PRR5L: variants seen among roughly 807,000 people sequenced by gnomAD.
PRR5L encodes the protein proline-rich protein 5-like.
PRR5L carries 21 observed loss-of-function variants against 36.4 expected under a neutral mutation model. That is an observed-to-expected ratio of 0.58 (90% CI 0.41 to 0.83). The LOEUF (loss-of-function observed/expected upper bound fraction) is 0.83. Ranked by LOEUF, PRR5L falls within the 40% of genes least tolerant of loss-of-function variation. The pLI is 0.00. For synonymous variants in PRR5L, 188 were observed against 197.0 expected (o/e 0.95, Z 0.38); for missense variants, 381 against 473.3 (o/e 0.80, Z 1.81).
chr11:36,320,006 G>C (rs977623034), intron 1 of PRR5L, among the ~76,000 whole-genome samples: 2 of 152,122 alleles, frequency 1.3e-5, no homozygotes, highest in Non-Finnish European at 2.9e-5. Flanking sequence ...GGTACTGGAG[G>C]CTGGATCTAC....
In PRR5L at chr11:36,351,545, T is replaced by A. The variant is rs1334949976; in HGVS notation, c.-125-49452T>A. On this transcript the variant is annotated intron_variant, in intron 1 of 8. Transcript: ENST00000530639. ...TTTATATATTTATATAAATATATAT[T>A]TATATATATTTATATATTTATATAT... Among the ~76,000 whole-genome samples, 31 of 6,520 alleles carry A rather than the reference T, an allele frequency of 4.8e-3. 2 individuals carry two copies. The highest frequency in any genetic ancestry group is 0.012 in the South Asian group (2 of 166). The allele number at this position is 6,520 out of a possible 152,430, so 4.3% of individuals were successfully genotyped here.
At chr11:36,432,783 T>C (rs766096766) in intron 5 of PRR5L, among the ~76,000 whole-genome samples, 10 of 152,082 alleles carry the variant, frequency 6.6e-5, no homozygotes, top group Non-Finnish European at 1.0e-4. Flanking sequence ...GATCCAGACT[T>C]ATTAGGTGTC....
intron 1 of PRR5L, among the ~76,000 whole-genome samples, chr11:36,350,456 A>C (rs750388735): frequency 1.3e-5 from 2 of 151,968 alleles, no homozygotes; most frequent in Non-Finnish European, 2.9e-5. Context: ...TTGACTTGGG[A>C]TTGGTTATGA....
In PRR5L at chr11:36,417,678, A is replaced by G. The variant is rs574579498; in HGVS notation, c.246-1577A>G. On this transcript the variant is annotated intron_variant, in intron 3 of 8. Transcript: ENST00000530639. ...TTCCAGGGCTTTTTCTGCTACAGTA[A>G]TTCAAATCATGGGTGGTTCTCTATT... Among the ~76,000 whole-genome samples, 10 of 152,350 alleles carry G rather than the reference A, an allele frequency of 6.6e-5. No homozygotes were observed. The South Asian group carries it at 1.7e-3, about 25-fold the overall frequency.
chr11:36,338,788 G>A (rs1014566565), intron 1 of PRR5L, among the ~76,000 whole-genome samples: 9 of 152,044 alleles, frequency 5.9e-5, no homozygotes, highest in African/African-American at 1.7e-4. Flanking sequence ...GTGCAGTGGC[G>A]TGATCTTGGC....
At chr11:36,301,222 G>A (rs1020862073) in intron 1 of PRR5L, among the ~76,000 whole-genome samples, 1 of 152,144 alleles carries the variant, frequency 6.6e-6, no homozygotes, top group African/African-American at 2.4e-5. Flanking sequence ...GGAAGAAGGT[G>A]GAGGAGCTTC....
chr11:36,301,807 C>A (rs1467664074), intron 1 of PRR5L, among the ~76,000 whole-genome samples: 9 of 152,164 alleles, frequency 5.9e-5, no homozygotes, highest in Non-Finnish European at 1.3e-4. Context: ...GTAGACCAAG[C>A]ATTCAGTGAT....
intron 1 of PRR5L, chr11:36,376,494 G>A: frequency 9.3e-7 from 1 of 1,072,560 alleles, no homozygotes; most frequent in Non-Finnish European, 1.1e-6. Flanking sequence ...GACCCCATCT[G>A]AGGGCAGAGC....
At chr11:36,378,119 T>C (rs1421372973) in intron 1 of PRR5L, among the ~76,000 whole-genome samples, 1 of 152,028 alleles carries the variant, frequency 6.6e-6, no homozygotes, top group Admixed American at 6.5e-5. Context: ...TACTGCAAAA[T>C]GTCAAAGTGC....
At chr11:36,376,356 AGG>A (rs1857260439) in intron 1 of PRR5L, 1 of 1,115,706 alleles carries the variant, frequency 9.0e-7, no homozygotes, top group African/African-American at 1.7e-5. Flanking sequence ...GAGGAGGAGG[AGG>A]AGGAGGAGGA....
chr11:36,330,024 C>T (rs1268064624), intron 1 of PRR5L, among the ~76,000 whole-genome samples: 1 of 152,134 alleles, frequency 6.6e-6, no homozygotes, highest in African/African-American at 2.4e-5. Context: ...TTAGTCAAAG[C>T]CTTCATAATA....
At chr11:36,351,128 T>G (rs1337003092) in intron 1 of PRR5L, among the ~76,000 whole-genome samples, 1 of 110,572 alleles carries the variant, frequency 9.0e-6, no homozygotes, top group South Asian at 2.5e-4. Context: ...TATATGTATT[T>G]TATATATAAA....
intron 1 of PRR5L, among the ~76,000 whole-genome samples, chr11:36,311,647 A>T (rs1444593684): frequency 6.6e-6 from 1 of 152,196 alleles, no homozygotes; most frequent in Non-Finnish European, 1.5e-5. Context: ...GGTCTTTGGA[A>T]AAAGGTAGAT....
intron 6 of PRR5L, among the ~76,000 whole-genome samples, chr11:36,439,669 G>A (rs753603477): frequency 1.6e-4 from 24 of 152,118 alleles, no homozygotes; most frequent in Non-Finnish European, 2.8e-4. Flanking sequence ...GGGAGGTGGC[G>A]AAGATCTGCA....
rs2133460271 is a variant in PRR5L at position 36,317,107 on chromosome 11, G to A, written c.-126+20669G>A. ...AACCAACACTTTCCAGAAAAGGCTA[G>A]CATCTGGGTTGATGAATGAAATAAG... On this transcript the variant is annotated intron_variant, in intron 1 of 8. Coordinates refer to ENST00000530639, the MANE Select transcript of PRR5L (RefSeq NM_001160167.2). Among the ~76,000 whole-genome samples the A allele has an allele frequency of 1.3e-5, 2 of 152,330 alleles. 1 individual carries two copies. The highest frequency in any genetic ancestry group is 4.1e-4 in the South Asian group (2 of 4,826).
chr11:36,455,456 G>A (rs1859036072), intron 8 of PRR5L: 1 of 153,104 alleles, frequency 6.5e-6, no homozygotes. Context: ...GGTGAGTGAG[G>A]AGGGAATAAA....
intron 8 of PRR5L, among the ~76,000 whole-genome samples, chr11:36,456,029 G>C (rs961044287): frequency 3.9e-5 from 6 of 152,070 alleles, no homozygotes; most frequent in Admixed American, 6.5e-5. Flanking sequence ...AGAGGCTGAG[G>C]CAGCTGTGGA....
chr11:36,395,307 C>T (rs981590158), intron 1 of PRR5L, among the ~76,000 whole-genome samples: 1 of 152,192 alleles, frequency 6.6e-6, no homozygotes, highest in African/African-American at 2.4e-5. Context: ...GGAAGATGGC[C>T]ATGACGTGTT....
intron 4 of PRR5L, among the ~76,000 whole-genome samples, chr11:36,426,651 A>G (rs1296346402): frequency 6.6e-6 from 1 of 152,234 alleles, no homozygotes. Context: ...TTGAGCCTCA[A>G]GTTCTTTATT....
Sources: allele counts gnomAD v4.1 joint callset (sites outside exome capture counted in the v4.1 genomes callset), GRCh38; gene constraint gnomAD v4.1.1; transcripts MANE v1.5; gene names NCBI Gene and HGNC (gene_info 2026-07-23, HGNC 2026-07-21).